HSF5: variants seen among roughly 807,000 people sequenced by gnomAD.
The protein encoded by HSF5 is heat shock factor protein 5.
A neutral mutation model predicts 50.8 loss-of-function variants in HSF5; 5 were observed. The ratio of observed to expected loss-of-function variants is 0.10; its 90% CI spans 0.05 to 0.21. HSF5 has a LOEUF of 0.21. HSF5 is among the 10% of genes least tolerant of loss of function. The pLI is 1.00. For missense variants in HSF5, 564 were observed against 762.6 expected (o/e 0.74, Z 3.07); for synonymous variants, 307 against 307.4 (o/e 1.00, Z 0.02).
At chr17:58,471,945 C>T (rs1974951339) in intron 2 of HSF5, among the ~76,000 whole-genome samples, 1 of 151,874 alleles carries the variant, frequency 6.6e-6, no homozygotes, top group African/African-American at 2.4e-5. Flanking sequence ...CCTCGGCCTC[C>T]CGGGTTCAAG....
chr17:58,455,248 T>C (rs1319864250), intron 5 of HSF5, among the ~76,000 whole-genome samples: 1 of 152,196 alleles, frequency 6.6e-6, no homozygotes, highest in South Asian at 2.1e-4. Context: ...CCTCAATAAA[T>C]AGTGCTGGGA....
At chr17:58,422,754 G>A (rs532210971) in intron 5 of HSF5, among the ~76,000 whole-genome samples, 5 of 150,258 alleles carry the variant, frequency 3.3e-5, no homozygotes, top group South Asian at 2.1e-4. Context: ...GGAGTACGGC[G>A]GCACAATCTC....
At chr17:58,448,918 T>C (rs562466556) in intron 5 of HSF5, among the ~76,000 whole-genome samples, 1 of 152,328 alleles carries the variant, frequency 6.6e-6, no homozygotes, top group African/African-American at 2.4e-5. Flanking sequence ...TACAACAGTT[T>C]GTTAAAAGAT....
intron 5 of HSF5, among the ~76,000 whole-genome samples, chr17:58,433,313 A>C (rs1031547856): frequency 6.6e-6 from 1 of 152,170 alleles, no homozygotes; most frequent in African/African-American, 2.4e-5. Flanking sequence ...ATTTATTTAT[A>C]AGTAAATAAG....
In HSF5 at chr17:58,488,288, CG is replaced by C; in HGVS notation, c.-15del. 6.9e-7 allele frequency: 1 copy of C among 1,459,058 alleles called. No homozygotes were observed. Among genetic ancestry groups the C allele is most frequent in the Non-Finnish European group, 8.9e-7 (1 of 1,118,658 alleles). The allele number at this position is 1,459,058 out of a possible 1,614,324, so 90.4% of individuals were successfully genotyped here. ...CAGCGCCTCCATCGCCCCGCCGGGC[CG>C]GGGCCTCGCCCCCCGAGCCTAGCTC... is the stretch of plus-strand genomic sequence containing the variant. On this transcript the variant is annotated 5_prime_UTR_variant, in exon 1 of 6. Coordinates refer to ENST00000323777, the MANE Select transcript of HSF5 (RefSeq NM_001080439.3). This position sits in a 1 kb window ranked among gnomAD's most constrained non-coding sequence, Gnocchi z 4.1.
intron 5 of HSF5, among the ~76,000 whole-genome samples, chr17:58,430,500 G>A (rs1327509489): frequency 1.3e-5 from 2 of 152,180 alleles, no homozygotes; most frequent in Admixed American, 6.5e-5. Context: ...CAGGGGCCCA[G>A]AGAGAACAAA....
intron 5 of HSF5, among the ~76,000 whole-genome samples, chr17:58,429,860 A>C (rs62082095): frequency 1.3e-5 from 2 of 150,678 alleles, no homozygotes; most frequent in Non-Finnish European, 3.0e-5. Flanking sequence ...AAAAAAAATT[A>C]AATGTTTAAT....
intron 1 of HSF5, among the ~76,000 whole-genome samples, chr17:58,481,851 T>G (rs1041349143): frequency 6.6e-6 from 1 of 151,996 alleles, no homozygotes; most frequent in African/African-American, 2.4e-5. Flanking sequence ...TATACAAAAA[T>G]CAGCTGGGCA....
At chr17:58,442,460 T>A (rs1974511339) in intron 5 of HSF5, among the ~76,000 whole-genome samples, 1 of 152,232 alleles carries the variant, frequency 6.6e-6, no homozygotes, top group Admixed American at 6.5e-5. Flanking sequence ...ACCATTATGA[T>A]CTTTACTGTA....
chr17:58,437,689 C>T (rs1038200554), intron 5 of HSF5, among the ~76,000 whole-genome samples: 3 of 152,108 alleles, frequency 2.0e-5, no homozygotes, highest in Admixed American at 2.0e-4. Flanking sequence ...TTGCAACTTA[C>T]CCATTTGCTG....
At chr17:58,482,399 A>G (rs564839834) in intron 1 of HSF5, among the ~76,000 whole-genome samples, 1 of 152,172 alleles carries the variant, frequency 6.6e-6, no homozygotes, top group African/African-American at 2.4e-5. Context: ...GGAATTTCAG[A>G]CCAGCATGGG....
intron 2 of HSF5, among the ~76,000 whole-genome samples, chr17:58,477,808 C>CT (rs532745888): frequency 4.3e-4 from 65 of 149,538 alleles, no homozygotes; most frequent in Non-Finnish European, 6.8e-4. Flanking sequence ...AAGTAAATAT[C>CT]TTTTTTTTTT....
intron 2 of HSF5, among the ~76,000 whole-genome samples, chr17:58,478,645 T>C (rs1253927164): frequency 6.6e-6 from 1 of 151,176 alleles, no homozygotes; most frequent in East Asian, 2.0e-4. Flanking sequence ...GTGGATCACC[T>C]GAGGTCAGGA....
At chr17:58,432,761 A>G (rs569337051) in intron 5 of HSF5, among the ~76,000 whole-genome samples, 42 of 152,346 alleles carry the variant, frequency 2.8e-4, no homozygotes, top group African/African-American at 1.0e-3. Flanking sequence ...CTCTGGCAGA[A>G]AGACTGTAGG....
chr17:58,458,593 CACA>C (rs936608893), intron 5 of HSF5, among the ~76,000 whole-genome samples, 172 bp downstream of exon 5: 28 of 152,264 alleles, frequency 1.8e-4, no homozygotes, highest in Admixed American at 1.6e-3. Context: ...TTACATACTT[CACA>C]ACAATAATTA....
chr17:58,474,090 C>T (rs577032767), intron 2 of HSF5, among the ~76,000 whole-genome samples: 3 of 152,050 alleles, frequency 2.0e-5, no homozygotes, highest in Admixed American at 6.5e-5. Flanking sequence ...GTGATCCACC[C>T]GCCTCGTGAG....
chr17:58,476,552 A>G, intron 2 of HSF5: 1 of 1,437,122 alleles, frequency 7.0e-7, no homozygotes, highest in Non-Finnish European at 9.8e-7. Context: ...TTTTCAAGGT[A>G]AGGATTTTGA....
chr17:58,475,905 G>A (rs775815165), intron 2 of HSF5, among the ~76,000 whole-genome samples: 1 of 151,996 alleles, frequency 6.6e-6, no homozygotes, highest in African/African-American at 2.4e-5. Flanking sequence ...AATGAATTTC[G>A]AACAGAAAGG....
chr17:58,423,531 G>A (rs369693723), intron 5 of HSF5, among the ~76,000 whole-genome samples: 65 of 118,294 alleles, frequency 5.5e-4, no homozygotes, highest in African/African-American at 1.6e-4. Context: ...ACTGTCACCC[G>A]CGCTGGAGTG....
Sources: allele counts gnomAD v4.1 joint callset (sites outside exome capture counted in the v4.1 genomes callset), GRCh38; gene constraint gnomAD v4.1.1; non-coding constraint Gnocchi (gnomAD v3.1); transcripts MANE v1.5; gene names NCBI Gene and HGNC (gene_info 2026-07-23, HGNC 2026-07-21).